The following EGFR variants were observed in gnomAD, a reference collection of about 807,000 sequenced individuals.
The protein encoded by EGFR is epidermal growth factor receptor, also known as avian erythroblastic leukemia viral (v-erb-b) oncogene homolog.
In EGFR, 58 loss-of-function variants were observed where a neutral mutation model predicts 143.0. The ratio of observed to expected loss-of-function variants is 0.41; its 90% CI spans 0.33 to 0.50. EGFR has a LOEUF of 0.50. Among genes scored for constraint, EGFR ranks in the 20% least tolerant of loss-of-function variants. EGFR has a pLI of 0.39. For missense variants in EGFR, 1,307 were observed against 1,579.0 expected, an observed-to-expected ratio of 0.83 and a Z score of 2.92; for synonymous variants, 613 against 594.4, an observed-to-expected ratio of 1.03 and a Z score of -0.45.
rs140840618 is a variant in EGFR, at chr7:55,200,711, A to G, written c.2946+298A>G. 60 of 522,698 alleles carry G rather than the reference A, an allele frequency of 1.1e-4. 3 individuals are homozygous for G. The highest frequency in any genetic ancestry group is 1.0e-3 in the African/African-American group (53 of 52,692). The allele number at this position is 522,698 out of a possible 1,614,324, so 32.4% of individuals were successfully genotyped here. ...TGGGTCTAAGAGAGAAGCATGGTCT[A>G]TTGGGCTTTGGTGTCAGGCAGACGT... On this transcript the variant is annotated intron_variant, in intron 24 of 27. Transcript: ENST00000275493.
At chr7:55,104,290 G>A (rs530946446) in intron 1 of EGFR, among the ~76,000 whole-genome samples, 22 of 152,202 alleles carry the variant, frequency 1.4e-4, no homozygotes, top group Non-Finnish European at 2.6e-4. Context: ...CCCTAAGGCC[G>A]TGCAGGGAGC....
intron 1 of EGFR, among the ~76,000 whole-genome samples, chr7:55,041,362 G>A (rs1051992670): frequency 7.9e-5 from 12 of 152,174 alleles, no homozygotes; most frequent in Admixed American, 7.2e-4. Flanking sequence ...AGTGAGCCGA[G>A]ATCACGCCAT....
At chr7:55,091,847 A>AACACACACACACACAC (rs71014681) in intron 1 of EGFR, among the ~76,000 whole-genome samples, 55 of 132,180 alleles carry the variant, frequency 4.2e-4, no homozygotes, top group Middle Eastern at 4.3e-3. Context: ...ACCCACTGTA[A>AACACACACACACACAC]ACACACACAC....
chr7:55,064,175 G>A (rs17335933), intron 1 of EGFR, among the ~76,000 whole-genome samples: 314 of 152,284 alleles, frequency 2.1e-3, no homozygotes, highest in African/African-American at 7.3e-3. Flanking sequence ...CAGTTTATAT[G>A]CAAAGTTATA....
chr7:55,076,894 C>T (rs1185436535), intron 1 of EGFR, among the ~76,000 whole-genome samples: 4 of 152,024 alleles, frequency 2.6e-5, no homozygotes, highest in Non-Finnish European at 5.9e-5. Context: ...AAATATATGA[C>T]AAATAAAACA....
rs61541412 is a variant in EGFR, at chr7:55,196,178, A to ATTTTTTTTTTTTTTTTTTTTTTTT, written c.2702-2524_2702-2523insTTTTTTTTTTTTTTTTTTTTTTTT. Among the ~76,000 whole-genome samples the ATTTTTTTTTTTTTTTTTTTTTTTT allele has an allele frequency of 1.8e-3, 162 of 88,092 alleles. 5 individuals carry two copies. Among genetic ancestry groups the ATTTTTTTTTTTTTTTTTTTTTTTT allele is most frequent in the African/African-American group, 3.5e-3 (71 of 20,346 alleles). 57.8% of individuals were successfully genotyped at this position (88,092 alleles called of 152,430 possible). On this transcript the variant is annotated intron_variant, in intron 22 of 27. Transcript: ENST00000275493. ...CACAACCTCACCAGCATGTGTTGGG[A>ATTTTTTTTTTTTTTTTTTTTTTTT]TTTTTTTTTTTTTTTACTTTTCAAT...
chr7:55,187,290 T>A (rs184933824), intron 20 of EGFR, among the ~76,000 whole-genome samples: 2 of 152,340 alleles, frequency 1.3e-5, no homozygotes, highest in Non-Finnish European at 2.9e-5. Flanking sequence ...TACCCGGGAC[T>A]CTCCATGGGT....
intron 16 of EGFR, among the ~76,000 whole-genome samples, chr7:55,171,819 T>C (rs1422696814): frequency 2.0e-5 from 3 of 152,168 alleles, no homozygotes; most frequent in African/African-American, 4.8e-5. Flanking sequence ...CATGGAATTA[T>C]ACACCGAGCA....
chr7:55,116,886 G>GT (rs1439815776), intron 1 of EGFR, among the ~76,000 whole-genome samples: 60 of 152,276 alleles, frequency 3.9e-4, no homozygotes, highest in African/African-American at 1.4e-3. Context: ...ACCACACTGC[G>GT]TTCGTCCATT....
At chr7:55,155,004 T>C (rs1371817112) in intron 7 of EGFR, among the ~76,000 whole-genome samples, 4 of 151,992 alleles carry the variant, frequency 2.6e-5, no homozygotes, top group Admixed American at 6.5e-5. Context: ...GACACAGATA[T>C]ATCTTTGAGA....
At chr7:55,099,921 G>A (rs940223141) in intron 1 of EGFR, among the ~76,000 whole-genome samples, 2 of 152,162 alleles carry the variant, frequency 1.3e-5, no homozygotes, top group Non-Finnish European at 2.9e-5. Flanking sequence ...TGAAATCTGA[G>A]ACAGAACCGA....
intron 1 of EGFR, among the ~76,000 whole-genome samples, chr7:55,059,537 C>T (rs1209191212): frequency 6.6e-6 from 1 of 152,032 alleles, no homozygotes; most frequent in Non-Finnish European, 1.5e-5. Flanking sequence ...CAGGTCTGGA[C>T]AAATCTATAA....
At chr7:55,087,142 G>C (rs116784200) in intron 1 of EGFR, among the ~76,000 whole-genome samples, 8 of 152,054 alleles carry the variant, frequency 5.3e-5, no homozygotes, top group East Asian at 3.9e-4. Context: ...GACCACAAGC[G>C]GGGGGAAGAG....
chr7:55,140,268 T>C (rs546987413), intron 1 of EGFR, among the ~76,000 whole-genome samples: 6 of 152,284 alleles, frequency 3.9e-5, no homozygotes, highest in Admixed American at 3.3e-4. Context: ...TTATTTAAAA[T>C]GAAAGCAGCT....
At chr7:55,154,239 G>A (rs2128935398) in intron 7 of EGFR, 87 bp downstream of exon 7, 2 of 1,597,276 alleles carry the variant, frequency 1.3e-6, no homozygotes, top group East Asian at 2.3e-5. Context: ...TCCCATCTTG[G>A]AGAGTCTTTG....
intron 1 of EGFR, among the ~76,000 whole-genome samples, chr7:55,051,619 G>A (rs1788494269): frequency 6.6e-6 from 1 of 152,126 alleles, no homozygotes; most frequent in Non-Finnish European, 1.5e-5. Flanking sequence ...CCCAGTCTGT[G>A]GTATTCTGTT....
intron 1 of EGFR, among the ~76,000 whole-genome samples, chr7:55,090,731 T>C (rs1371045215): frequency 2.0e-5 from 3 of 152,146 alleles, no homozygotes; most frequent in Non-Finnish European, 4.4e-5. Context: ...TAACTAACTG[T>C]TTGGAAATTC....
At position 55,207,297 on chromosome 7, in the gene EGFR, T is replaced by G. The variant is rs371801373; in HGVS notation, c.*1680T>G. 3 of 232,474 alleles carry G rather than the reference T, an allele frequency of 1.3e-5. No individual in the cohort carries two copies. Among genetic ancestry groups the G allele is most frequent in the East Asian group, 6.1e-5 (1 of 16,430 alleles). The allele number at this position is 232,474 out of a possible 1,614,324, so 14.4% of individuals were successfully genotyped here. A position where few individuals can be genotyped will look rare whatever the true frequency, so the allele number is the denominator to read the frequency against. On this transcript the variant is annotated 3_prime_UTR_variant, in exon 28 of 28. Coordinates refer to ENST00000275493, the MANE Select transcript of EGFR (RefSeq NM_005228.5). ...CAGCATTGTTAAGAAAGTATTTGAT[T>G]TTTGTCTCAATGAAAATAAAACTAT... is the stretch of plus-strand genomic sequence containing the variant.
rs11536635 is a variant in EGFR at position 55,161,322 on chromosome 7, A to G, written c.1499-177A>G. Among the ~76,000 whole-genome samples, 35,622 of 152,228 alleles carry G rather than the reference A, an allele frequency of 0.23. 5,055 individuals are homozygous for G. Among genetic ancestry groups the G allele is most frequent in the East Asian group, 0.55 (2,841 of 5,162 alleles). ...GCCAGCACAACTACTTTGTCCTTCC[A>G]GTCACGGTCGGCCTCTGGGAAGCCC... On this transcript the variant is annotated intron_variant, in intron 12 of 27. Coordinates refer to ENST00000275493, the MANE Select transcript of EGFR (RefSeq NM_005228.5).
Sources: allele counts gnomAD v4.1 joint callset (sites outside exome capture counted in the v4.1 genomes callset), GRCh38; gene constraint gnomAD v4.1.1; transcripts MANE v1.5; gene names NCBI Gene and HGNC (gene_info 2026-07-23, HGNC 2026-07-21).